The following CNBD1 variants were observed in gnomAD, a reference collection of about 807,000 sequenced individuals.
CNBD1 encodes the protein cyclic nucleotide binding domain containing 1.
Under a neutral mutation model 54.4 loss-of-function variants are expected in CNBD1, and 71 were observed. That is an observed-to-expected ratio of 1.30 (90% CI 1.08 to 1.59). CNBD1 has a LOEUF of 1.59. Ranked by LOEUF, CNBD1 falls within the 40% of genes most tolerant of loss-of-function variation. The pLI is 0.00. For synonymous variants in CNBD1, 182 were observed against 170.7 expected, an observed-to-expected ratio of 1.07 and a Z score of -0.51; for missense variants, 659 against 518.0, an observed-to-expected ratio of 1.27 and a Z score of -2.64.
At chr8:86,984,364 T>C (rs1042547629) in intron 4 of CNBD1, among the ~76,000 whole-genome samples, 1 of 152,000 alleles carries the variant, frequency 6.6e-6, no homozygotes, top group Non-Finnish European at 1.5e-5. Context: ...GGAAGGGAAA[T>C]GTGGGGTTGG....
intron 8 of CNBD1, among the ~76,000 whole-genome samples, chr8:87,319,795 G>C (rs982381360): frequency 1.3e-5 from 2 of 152,044 alleles, no homozygotes; most frequent in African/African-American, 4.8e-5. Flanking sequence ...ATTCAAAAAA[G>C]CGTTTCTATA....
intron 2 of CNBD1, among the ~76,000 whole-genome samples, chr8:87,395,122 T>C (rs1811386133): frequency 6.6e-6 from 1 of 151,900 alleles, no homozygotes; most frequent in African/African-American, 2.4e-5. Flanking sequence ...AATATGACTA[T>C]AGAGTCCTTT....
chr8:87,055,820 C>T (rs112346660), intron 4 of CNBD1, among the ~76,000 whole-genome samples: 1 of 149,688 alleles, frequency 6.7e-6, no homozygotes, highest in Non-Finnish European at 1.5e-5. Context: ...TCCCTTCCTT[C>T]CTTCCCTCCC....
chr8:87,131,413 A>C (rs780677652), intron 4 of CNBD1, among the ~76,000 whole-genome samples: 6 of 152,096 alleles, frequency 3.9e-5, no homozygotes, highest in Non-Finnish European at 5.9e-5. Context: ...CCCCACTGGG[A>C]AATGTAAAAA....
chr8:87,072,458 C>T (rs1300255515), intron 4 of CNBD1, among the ~76,000 whole-genome samples: 1 of 152,156 alleles, frequency 6.6e-6, no homozygotes, highest in Non-Finnish European at 1.5e-5. Flanking sequence ...TTTTTCCTTT[C>T]CACTTTTAGT....
At chr8:87,226,120 T>G (rs919075055) in intron 5 of CNBD1, among the ~76,000 whole-genome samples, 5 of 152,218 alleles carry the variant, frequency 3.3e-5, no homozygotes, top group African/African-American at 1.2e-4. Flanking sequence ...ATCTGTTTGA[T>G]TCTTCTCTCT....
intron 2 of CNBD1, among the ~76,000 whole-genome samples, chr8:86,902,622 C>T (rs1563816027): frequency 6.6e-6 from 1 of 151,868 alleles, no homozygotes; most frequent in Non-Finnish European, 1.5e-5. Context: ...ATGTATTTCC[C>T]TTTCATCTGC....
chr8:87,242,934 C>T (rs1263939570), intron 6 of CNBD1, among the ~76,000 whole-genome samples: 2 of 152,128 alleles, frequency 1.3e-5, no homozygotes, highest in East Asian at 1.9e-4. Flanking sequence ...ATAACAAAAC[C>T]TCTGAAAAAG....
intron 10 of CNBD1, among the ~76,000 whole-genome samples, chr8:87,379,312 G>A (rs1669415449): frequency 6.6e-6 from 1 of 151,812 alleles, no homozygotes; most frequent in Non-Finnish European, 1.5e-5. Context: ...GTCAACATTA[G>A]ACAGATCAAC....
chr8:87,337,557 G>C (rs1447890027), intron 8 of CNBD1, among the ~76,000 whole-genome samples: 1 of 152,228 alleles, frequency 6.6e-6, no homozygotes, highest in African/African-American at 2.4e-5. Flanking sequence ...TGGCTGTTGA[G>C]AATCTGTGTG....
intron 4 of CNBD1, among the ~76,000 whole-genome samples, chr8:86,943,365 CAA>C (rs1158061860): frequency 2.5e-3 from 83 of 32,558 alleles, no homozygotes; most frequent in African/African-American, 8.4e-3. Context: ...GACTCCATCT[CAA>C]AAAAAAAAAA....
chr8:87,413,733 A>G (rs1289824792), intron 2 of CNBD1, among the ~76,000 whole-genome samples: 2 of 135,140 alleles, frequency 1.5e-5, no homozygotes, highest in East Asian at 2.0e-4. Context: ...ACACTTCTCA[A>G]AAGAAGACAT....
chr8:87,009,058 T>G (rs1380800411), intron 4 of CNBD1, among the ~76,000 whole-genome samples: 1 of 152,022 alleles, frequency 6.6e-6, no homozygotes, highest in African/African-American at 2.4e-5. Context: ...TACCATTTTC[T>G]TGGTTTCTTT....
At chr8:87,426,780 G>A (rs535861885) in intron 2 of CNBD1, among the ~76,000 whole-genome samples, 1 of 152,164 alleles carries the variant, frequency 6.6e-6, no homozygotes, top group East Asian at 1.9e-4. Context: ...AGTTTCCTTG[G>A]CTCACTTCTT....
Position 87,163,714 on chromosome 8 carries a change from C to T in CNBD1, c.432-42279C>T, listed in dbSNP as rs1027968479. Among the ~76,000 whole-genome samples, 1 of 150,996 alleles carries T rather than the reference C, an allele frequency of 6.6e-6. No individual in the cohort carries two copies. The highest frequency in any genetic ancestry group is 1.5e-5 in the Non-Finnish European group (1 of 67,666). On this transcript the variant is annotated intron_variant, in intron 4 of 10. Coordinates refer to ENST00000518476, the MANE Select transcript of CNBD1 (RefSeq NM_173538.3). The surrounding 1 kb of genome is among the most constrained non-coding windows in gnomAD (Gnocchi z 4.5). ...TTAGTTCTAACAGTTTTTTTGTTGG[C>T]GTCTTTAGGGTTTTTTTTAAATATA...
intron 8 of CNBD1, among the ~76,000 whole-genome samples, chr8:87,331,525 G>T (rs367672307): frequency 1.2e-4 from 18 of 152,164 alleles, no homozygotes; most frequent in Admixed American, 1.0e-3. Flanking sequence ...ATAAACATAT[G>T]TGTGCATGTA....
chr8:86,900,865 C>G lies in CNBD1; in HGVS notation c.159-4216C>G, dbSNP rs114727598. ...CAATCTTGCAGTTAACTTTGTCAAA[C>G]AGATCTTTAAATTTTCCTTCAGAAC... On this transcript the variant is annotated intron_variant, in intron 2 of 10. Coordinates refer to ENST00000518476, the MANE Select transcript of CNBD1 (RefSeq NM_173538.3). Among the ~76,000 whole-genome samples, 387 of 152,194 alleles carry G rather than the reference C, an allele frequency of 2.5e-3. 3 individuals are homozygous for G. Among genetic ancestry groups the G allele is most frequent in the African/African-American group, 8.1e-3 (337 of 41,546 alleles).
intron 4 of CNBD1, among the ~76,000 whole-genome samples, chr8:86,995,937 A>G (rs1808860829): frequency 6.6e-6 from 1 of 152,174 alleles, no homozygotes; most frequent in Non-Finnish European, 1.5e-5. Flanking sequence ...AAAATCCCCA[A>G]TGGCTTTCTG....
intron 4 of CNBD1, among the ~76,000 whole-genome samples, chr8:87,048,427 G>A (rs1285918940): frequency 6.6e-6 from 1 of 152,162 alleles, no homozygotes; most frequent in Non-Finnish European, 1.5e-5. Context: ...CAAGGGAGGT[G>A]AGTTTCTTGA....
Sources: allele counts gnomAD v4.1 joint callset (sites outside exome capture counted in the v4.1 genomes callset), GRCh38; gene constraint gnomAD v4.1.1; non-coding constraint Gnocchi (gnomAD v3.1); transcripts MANE v1.5; gene names NCBI Gene and HGNC (gene_info 2026-07-23, HGNC 2026-07-21).